Variants in KLF17 observed in about 807,000 individuals in gnomAD.
The protein encoded by KLF17 is Krueppel-like factor 17.
A neutral mutation model predicts 34.2 loss-of-function variants in KLF17; 31 were observed. The ratio of observed to expected loss-of-function variants is 0.91; its 90% confidence interval spans 0.68 to 1.22. The LOEUF is 1.22. Ranked by LOEUF, KLF17 falls within the 50% of genes most tolerant of loss-of-function variation. The probability of loss-of-function intolerance (pLI) is 0.00; values close to 1 mark genes in which losing one functional copy is unlikely to be tolerated. For synonymous variants in KLF17, 179 were observed against 186.7 expected (o/e 0.96, Z 0.34); for missense variants, 478 against 505.2 (o/e 0.95, Z 0.52).
At chr1:44,076,820 G>A in the KLF17 span, 1 of 150,566 alleles carries the variant, frequency 6.6e-6, no homozygotes, top group Non-Finnish European at 1.5e-5. Flanking sequence ...GAACTCCTGG[G>A]CTCAAGCAAT....
At chr1:44,069,068 G>A in the KLF17 span, among the ~76,000 whole-genome samples, 170 of 152,216 alleles carry the variant, frequency 1.1e-3, 1 homozygote, top group African/African-American at 3.9e-3. This position sits in a 1 kb window ranked among gnomAD's most constrained non-coding sequence, Gnocchi z 4.7. Context: ...TTATTTTAAT[G>A]ATCACTCATG....
chr1:44,131,999 G>A (rs2088116104), intron 3 of KLF17, among the ~76,000 whole-genome samples: 1 of 152,132 alleles, frequency 6.6e-6, no homozygotes, highest in South Asian at 2.1e-4. Flanking sequence ...CTGGCTGGGA[G>A]TTAATATTTA....
chr1:44,087,336 C>G, the KLF17 span, among the ~76,000 whole-genome samples: 2 of 151,942 alleles, frequency 1.3e-5, no homozygotes. Context: ...CTCACTGCAG[C>G]CTCCACTTCC....
intron 1 of KLF17, among the ~76,000 whole-genome samples, chr1:44,124,096 A>G (rs1185595739): frequency 2.0e-5 from 3 of 151,986 alleles, no homozygotes; most frequent in African/African-American, 7.3e-5. Context: ...TACTTGGTTT[A>G]TTGTGGTGTT....
the KLF17 span, among the ~76,000 whole-genome samples, chr1:44,089,825 T>C: frequency 3.3e-5 from 5 of 152,034 alleles, no homozygotes; most frequent in Admixed American, 6.6e-5. Flanking sequence ...AGTTCATGCA[T>C]TGTATGAGTG....
At chr1:44,126,810 G>C (rs7550481) in intron 1 of KLF17, among the ~76,000 whole-genome samples, 7,867 of 152,054 alleles carry the variant, frequency 0.052, 659 homozygotes, top group African/African-American at 0.18. Flanking sequence ...TGCTTCGATA[G>C]GCTATTTTAC....
At chr1:44,097,923 CT>C in the KLF17 span, among the ~76,000 whole-genome samples, 1 of 152,146 alleles carries the variant, frequency 6.6e-6, no homozygotes, top group South Asian at 2.1e-4. Context: ...ATATTTGTTG[CT>C]TTACATATGT....
At chr1:44,102,534 C>T in the KLF17 span, among the ~76,000 whole-genome samples, 1 of 142,094 alleles carries the variant, frequency 7.0e-6, no homozygotes, top group Non-Finnish European at 1.5e-5. Context: ...GCCTGGGCAA[C>T]AAGAGCAAAA....
rs2088088541 is a variant in KLF17, at chr1:44,130,098, G to T, written c.827G>T (p.Gly276Val). 1.2e-6 allele frequency: 2 copies of T among 1,614,102 alleles called. No individual in the cohort carries two copies. The stretch of plus-strand genomic sequence containing the variant: ...CCTCAGGAAGGGACTGGTAGAAGGG[G>T]CTCCTCAGAGGCAAGGCCTTACTGC... ...SRPQEGTGRRGSSEARPYCCN... is the reference protein window; with the variant it reads ...SRPQEGTGRRVSSEARPYCCN... Residue 276 changes from glycine to valine, a missense_variant, in exon 2 of 4, where the codon GGC becomes GTC. By Grantham distance (109) the Gly-to-Val change is moderately radical. Transcript: ENST00000372299.
the KLF17 span, among the ~76,000 whole-genome samples, chr1:44,100,344 G>T: frequency 1.3e-5 from 2 of 151,992 alleles, no homozygotes; most frequent in Non-Finnish European, 2.9e-5. Flanking sequence ...TATGGGAATG[G>T]AAGTGAGGTA....
At chr1:44,103,616 C>T in the KLF17 span, 2 of 1,609,254 alleles carry the variant, frequency 1.2e-6, no homozygotes, top group Non-Finnish European at 1.7e-6. Context: ...CGATCTCGAT[C>T]TCGATGTCCA....
the KLF17 span, among the ~76,000 whole-genome samples, chr1:44,094,890 TA>T: frequency 6.7e-6 from 1 of 150,290 alleles, no homozygotes; most frequent in Non-Finnish European, 1.5e-5. Flanking sequence ...AATGTCATTT[TA>T]TTTTTTTATT....
chr1:44,060,095 G>A, the KLF17 span, among the ~76,000 whole-genome samples: 1 of 152,018 alleles, frequency 6.6e-6, no homozygotes, highest in Non-Finnish European at 1.5e-5. Context: ...GGCCATGAGT[G>A]GGAAGAAGTC....
the KLF17 span, among the ~76,000 whole-genome samples, chr1:44,049,484 T>C: frequency 6.6e-6 from 1 of 152,192 alleles, no homozygotes; most frequent in South Asian, 2.1e-4. Context: ...TTATACAGTA[T>C]ATATTCTTTT....
At chr1:44,122,527 C>T (rs970763319) in intron 1 of KLF17, 1 of 866,210 alleles carries the variant, frequency 1.2e-6, no homozygotes, top group African/African-American at 1.6e-5. Flanking sequence ...GCGGTGCCAT[C>T]ACCCTTTGGG....
the KLF17 span, among the ~76,000 whole-genome samples, chr1:44,100,855 G>T: frequency 6.6e-6 from 1 of 152,078 alleles, no homozygotes; most frequent in Non-Finnish European, 1.5e-5. Context: ...ATAATGACAT[G>T]TATCCACCAT....
In KLF17 at chr1:44,129,508, G is replaced by A. The variant is rs1323348514; in HGVS notation, c.237G>A (p.Gly79=). Residue 79 remains glycine, a synonymous_variant, in exon 2 of 4, where the codon GGG becomes GGA. Transcript: ENST00000372299. ...CTTTGGTGTCTGTTGAGGCGCCGGG[G>A]CAGAATGTGAATGAAGGGGGGCCAC... is the stretch of plus-strand genomic sequence containing the variant. ...GSPLVSVEAP[G]QNVNEGGPQF... is the part of the protein sequence containing the mutation. 1.2e-6 allele frequency: 2 copies of A among 1,612,926 alleles called. No individual in the cohort carries two copies. The highest frequency in any genetic ancestry group is 1.7e-6 in the Non-Finnish European group (2 of 1,179,338).
chr1:44,132,625 G>A (rs1477338135), intron 3 of KLF17, among the ~76,000 whole-genome samples: 1 of 152,150 alleles, frequency 6.6e-6, no homozygotes, highest in Non-Finnish European at 1.5e-5. Context: ...CCAGTACTTA[G>A]TTCTTGTTTT....
chr1:44,064,475 G>A, the KLF17 span, among the ~76,000 whole-genome samples: 740 of 152,274 alleles, frequency 4.9e-3, 5 homozygotes, highest in Middle Eastern at 0.027. Context: ...ATGCACTAAA[G>A]CTTAGCTGTG....
Sources: gnomAD v4.1 joint callset for allele counts (sites outside exome capture counted in the v4.1 genomes callset) on GRCh38, gnomAD v4.1.1 for gene constraint, Gnocchi (gnomAD v3.1) non-coding constraint, MANE v1.5 for transcripts, NCBI Gene and HGNC (gene_info 2026-07-23, HGNC 2026-07-21) for gene names.